CTNNA3: variants seen among roughly 807,000 people sequenced by gnomAD.
The protein encoded by CTNNA3 is catenin alpha-3.
CTNNA3 carries 76 observed loss-of-function variants against 95.7 expected under a neutral mutation model. That is an observed-to-expected ratio of 0.79 (90% confidence interval 0.66 to 0.96). CTNNA3 has a LOEUF of 0.96. Among genes scored for constraint, CTNNA3 ranks in the 40% least tolerant of loss-of-function variants. The probability of loss-of-function intolerance (pLI) is 0.00; values close to 1 mark genes in which losing one functional copy is unlikely to be tolerated. For synonymous variants in CTNNA3, 431 were observed against 374.4 expected (o/e 1.15, Z -1.74); for missense variants, 1,191 against 1,089.8 (o/e 1.09, Z -1.31).
intron 9 of CTNNA3, among the ~76,000 whole-genome samples, chr10:66,707,845 G>A (rs537394458): frequency 2.8e-4 from 43 of 152,052 alleles, no homozygotes; most frequent in African/African-American, 9.4e-4. Flanking sequence ...TCTTCATATC[G>A]TATCTCCTTA....
chr10:66,871,598 T>C (rs911460834), intron 7 of CTNNA3, among the ~76,000 whole-genome samples: 2 of 142,844 alleles, frequency 1.4e-5, no homozygotes, highest in African/African-American at 2.6e-5. Context: ...TACTCAACAA[T>C]ATGTTTTTCT....
intron 2 of CTNNA3, among the ~76,000 whole-genome samples, chr10:67,641,015 T>C (rs1839510665): frequency 6.6e-6 from 1 of 152,078 alleles, no homozygotes; most frequent in Non-Finnish European, 1.5e-5. Flanking sequence ...GGGATCTAAT[T>C]AAACTAAAGA....
chr10:67,486,553 C>T (rs1463890935), intron 5 of CTNNA3, among the ~76,000 whole-genome samples: 2 of 152,006 alleles, frequency 1.3e-5, no homozygotes, highest in South Asian at 2.1e-4. Context: ...CAAGTTTAAC[C>T]TCTATGTGCC....
chr10:66,694,168 C>A (rs1847667994), intron 9 of CTNNA3, among the ~76,000 whole-genome samples: 1 of 152,014 alleles, frequency 6.6e-6, no homozygotes, highest in Non-Finnish European at 1.5e-5. Context: ...TTAATGAATC[C>A]AGGAGCTGGT....
intron 14 of CTNNA3, among the ~76,000 whole-genome samples, chr10:66,069,905 T>C (rs1051126711): frequency 6.6e-6 from 1 of 152,134 alleles, no homozygotes; most frequent in Non-Finnish European, 1.5e-5. Context: ...TGTCTACCTA[T>C]GTGTATATAT....
At chr10:66,547,313 A>AACTTAT (rs980868954) in intron 10 of CTNNA3, among the ~76,000 whole-genome samples, 5 of 133,820 alleles carry the variant, frequency 3.7e-5, no homozygotes, top group Non-Finnish European at 4.8e-5. Flanking sequence ...ATGAGTATAT[A>AACTTAT]ACTTATTCTT....
At chr10:65,930,199 T>TA (rs71472402) in intron 17 of CTNNA3, among the ~76,000 whole-genome samples, 1,417 of 60,722 alleles carry the variant, frequency 0.023, 101 homozygotes, top group Non-Finnish European at 0.029. Context: ...CAGAGCTCAG[T>TA]AAAAAAAAAA....
At chr10:66,019,431 G>A (rs970647560) in intron 15 of CTNNA3, among the ~76,000 whole-genome samples, 1 of 151,606 alleles carries the variant, frequency 6.6e-6, no homozygotes, top group African/African-American at 2.4e-5. Flanking sequence ...GAATAGAAAT[G>A]GGAATCAGAT....
At chr10:66,825,272 T>C (rs28489226) in intron 7 of CTNNA3, among the ~76,000 whole-genome samples, 1 of 135,600 alleles carries the variant, frequency 7.4e-6, no homozygotes, top group African/African-American at 2.5e-5. Flanking sequence ...TATATATACA[T>C]ATATATATAT....
intron 7 of CTNNA3, among the ~76,000 whole-genome samples, chr10:67,105,560 C>T (rs1338900774): frequency 3.8e-4 from 58 of 151,960 alleles, no homozygotes. Context: ...GATATATTTG[C>T]TTTCAATTAC....
At chr10:66,272,182 CT>C (rs940663455) in intron 13 of CTNNA3, among the ~76,000 whole-genome samples, 1 of 152,136 alleles carries the variant, frequency 6.6e-6, no homozygotes, top group Non-Finnish European at 1.5e-5. Context: ...AGGAATCCCC[CT>C]GGTAGGTGGT....
chr10:67,720,138 T>TTTTTTTTTTTTTTTTTTTTTTC (rs1254471020), intron 1 of CTNNA3, among the ~76,000 whole-genome samples: 1 of 89,774 alleles, frequency 1.1e-5, no homozygotes. Flanking sequence ...GCTTTTTTTT[T>TTTTTTTTTTTTTTTTTTTTTTC]TTTTTTTTTT....
At chr10:67,338,652 C>T (rs1017179609) in intron 5 of CTNNA3, among the ~76,000 whole-genome samples, 4 of 152,066 alleles carry the variant, frequency 2.6e-5, no homozygotes, top group Non-Finnish European at 5.9e-5. Context: ...GTGCAAATGA[C>T]AGGAAAATCA....
At chr10:67,041,294 T>C (rs1854378201) in intron 7 of CTNNA3, among the ~76,000 whole-genome samples, 1 of 152,112 alleles carries the variant, frequency 6.6e-6, no homozygotes, top group Non-Finnish European at 1.5e-5. Context: ...CTTCCAGCCT[T>C]ATGGAGAGTT....
At chr10:66,533,652 G>A (rs934790579) in intron 10 of CTNNA3, among the ~76,000 whole-genome samples, 1 of 152,124 alleles carries the variant, frequency 6.6e-6, no homozygotes, top group Non-Finnish European at 1.5e-5. Flanking sequence ...CTCTTCCCAT[G>A]TAACCAGGGC....
intron 13 of CTNNA3, among the ~76,000 whole-genome samples, chr10:66,110,424 C>T (rs1453442618): frequency 1.3e-5 from 2 of 150,578 alleles, no homozygotes; most frequent in African/African-American, 4.9e-5. Flanking sequence ...CTTCCATGTT[C>T]ACAATAGCTA....
chr10:66,229,538 G>C (rs1467298259), intron 13 of CTNNA3, among the ~76,000 whole-genome samples: 1 of 151,856 alleles, frequency 6.6e-6, no homozygotes, highest in Non-Finnish European at 1.5e-5. Context: ...TCAACTCTTT[G>C]AATATATCAT....
intron 15 of CTNNA3, among the ~76,000 whole-genome samples, chr10:66,056,309 T>A (rs2080086441): frequency 1.3e-5 from 2 of 152,232 alleles, no homozygotes; most frequent in African/African-American, 4.8e-5. Context: ...GCATCCTTCA[T>A]TCTGTTGGTA....
intron 9 of CTNNA3, among the ~76,000 whole-genome samples, chr10:66,756,060 G>C (rs745955904): frequency 6.6e-6 from 1 of 152,118 alleles, no homozygotes; most frequent in Non-Finnish European, 1.5e-5. Flanking sequence ...AAGAACATTT[G>C]CCCTTTTGCA....
Sources: allele counts gnomAD v4.1 joint callset (sites outside exome capture counted in the v4.1 genomes callset), GRCh38; gene constraint gnomAD v4.1.1; transcripts MANE v1.5; gene names NCBI Gene and HGNC (gene_info 2026-07-23, HGNC 2026-07-21).